FSTL4: variants seen among roughly 807,000 people sequenced by gnomAD.
The protein encoded by FSTL4 is follistatin-related protein 4.
FSTL4 carries 28 observed loss-of-function variants against 78.2 expected under a neutral mutation model. The observed-to-expected ratio is 0.36, with a 90% CI of 0.27 to 0.49. The LOEUF (loss-of-function observed/expected upper bound fraction) is 0.49. Ranked by LOEUF, FSTL4 falls within the 20% of genes least tolerant of loss-of-function variation. The probability of loss-of-function intolerance (pLI) is 0.98; values close to 1 mark genes in which losing one functional copy is unlikely to be tolerated. For synonymous variants in FSTL4, 422 were observed against 440.5 expected (o/e 0.96, Z 0.53); for missense variants, 922 against 1,084.9 (o/e 0.85, Z 2.11).
intron 3 of FSTL4, among the ~76,000 whole-genome samples, chr5:133,553,226 C>CT (rs921566483): frequency 2.0e-5 from 3 of 152,208 alleles, no homozygotes; most frequent in Admixed American, 2.0e-4. Flanking sequence ...ATCTTCCCCT[C>CT]TTTTCCGAGG....
chr5:133,294,086 G>T (rs577119662), intron 6 of FSTL4, among the ~76,000 whole-genome samples: 1 of 152,172 alleles, frequency 6.6e-6, no homozygotes, highest in South Asian at 2.1e-4. Flanking sequence ...GCCCTCCTTT[G>T]TGAAGACTAA....
chr5:133,199,056 AG>A lies in FSTL4; in HGVS notation c.*38del. On this transcript the variant is annotated 3_prime_UTR_variant, in exon 16 of 16. Transcript: ENST00000265342. The surrounding 1 kb of genome is among the most constrained non-coding windows in gnomAD (Gnocchi z 4.4). ...TGCTTGAGGCTGCAGTGTCAGGACT[AG>A]GGGGTGTTCCTTGGCCCAGGGCTCT... is the stretch of plus-strand genomic sequence containing the variant. The A allele has an allele frequency of 7.8e-7, 1 of 1,282,300 alleles. No homozygotes were observed. The highest frequency in any genetic ancestry group is 1.1e-6 in the Non-Finnish European group (1 of 925,438). 79.4% of individuals were successfully genotyped at this position (1,282,300 alleles called of 1,614,324 possible).
chr5:133,599,848 G>C (rs181536005), intron 2 of FSTL4, among the ~76,000 whole-genome samples: 5 of 151,376 alleles, frequency 3.3e-5, no homozygotes, highest in East Asian at 3.9e-4. Context: ...CTGCAAAAGT[G>C]GGGGGGCGGC....
chr5:133,368,428 C>T (rs1193435920), intron 4 of FSTL4, among the ~76,000 whole-genome samples: 1 of 152,254 alleles, frequency 6.6e-6, no homozygotes, highest in Non-Finnish European at 1.5e-5. Flanking sequence ...TTCTGGGCCC[C>T]ATGCCCCTCT....
chr5:133,387,515 G>A (rs578187735), intron 4 of FSTL4, among the ~76,000 whole-genome samples: 10 of 152,058 alleles, frequency 6.6e-5, no homozygotes, highest in Admixed American at 1.3e-4. Flanking sequence ...ATTGCCTTGG[G>A]GGTTGAACTT....
chr5:133,563,804 G>C (rs1759971867), intron 3 of FSTL4, among the ~76,000 whole-genome samples: 1 of 152,212 alleles, frequency 6.6e-6, no homozygotes, highest in Non-Finnish European at 1.5e-5. Flanking sequence ...ATTCCCTGTT[G>C]AGAGTGACAT....
the FSTL4 span, among the ~76,000 whole-genome samples, chr5:133,811,753 A>G: frequency 5.9e-5 from 9 of 152,266 alleles, no homozygotes; most frequent in African/African-American, 2.2e-4. Flanking sequence ...GCCATTCCCC[A>G]TCTACCCTCA....
the FSTL4 span, among the ~76,000 whole-genome samples, chr5:133,818,285 G>A: frequency 2.0e-5 from 3 of 152,342 alleles, no homozygotes; most frequent in Admixed American, 6.5e-5. Context: ...GGAACACACA[G>A]CATGGCCATG....
At chr5:133,295,241 C>A (rs1250217331) in intron 6 of FSTL4, among the ~76,000 whole-genome samples, 1 of 152,184 alleles carries the variant, frequency 6.6e-6, no homozygotes, top group East Asian at 1.9e-4. Context: ...ACCGACCCAC[C>A]CATCTCTGTC....
At chr5:133,626,832 GCA>G in the FSTL4 span, among the ~76,000 whole-genome samples, 2 of 152,074 alleles carry the variant, frequency 1.3e-5, no homozygotes, top group African/African-American at 2.4e-5. Context: ...CATGTTCTGT[GCA>G]CACTTTTAAA....
chr5:133,768,042 AGAG>A, the FSTL4 span, among the ~76,000 whole-genome samples: 1 of 152,206 alleles, frequency 6.6e-6, no homozygotes, highest in Non-Finnish European at 1.5e-5. Context: ...TGCTGATGGA[AGAG>A]GAGAGGAATG....
At chr5:133,600,097 G>A (rs1242636433) in intron 2 of FSTL4, among the ~76,000 whole-genome samples, 1 of 152,154 alleles carries the variant, frequency 6.6e-6, no homozygotes, top group African/African-American at 2.4e-5. Context: ...CATGAGCATA[G>A]TATGAAAATG....
chr5:133,290,832 C>T (rs1355227775), intron 6 of FSTL4, among the ~76,000 whole-genome samples: 1 of 152,236 alleles, frequency 6.6e-6, no homozygotes, highest in African/African-American at 2.4e-5. Context: ...CCCTCGCCTG[C>T]AATGTGGGCT....
At chr5:133,287,739 G>T (rs112061902) in intron 6 of FSTL4, among the ~76,000 whole-genome samples, 1 of 152,170 alleles carries the variant, frequency 6.6e-6, no homozygotes, top group Non-Finnish European at 1.5e-5. Flanking sequence ...CAGCAGTGCC[G>T]TTTCTTGAAT....
chr5:133,686,116 G>A, the FSTL4 span, among the ~76,000 whole-genome samples: 3 of 152,150 alleles, frequency 2.0e-5, no homozygotes, highest in Admixed American at 2.0e-4. Context: ...TTATAATTAT[G>A]AGCATCCTAC....
the FSTL4 span, among the ~76,000 whole-genome samples, chr5:133,628,366 C>CTTTTTT: frequency 5.9e-5 from 8 of 134,644 alleles, no homozygotes; most frequent in African/African-American, 2.6e-4. Flanking sequence ...CTTTTCTTTT[C>CTTTTTT]TTTTTTTTTT....
chr5:133,793,170 G>A, the FSTL4 span, among the ~76,000 whole-genome samples: 136 of 152,316 alleles, frequency 8.9e-4, 1 homozygote, highest in Admixed American at 4.6e-3. Context: ...CTGAGACCTG[G>A]GGAGGGACCA....
At chr5:133,392,230 G>T (rs906347188) in intron 4 of FSTL4, among the ~76,000 whole-genome samples, 1 of 152,152 alleles carries the variant, frequency 6.6e-6, no homozygotes, top group Non-Finnish European at 1.5e-5. Context: ...AGACTGAAAC[G>T]TGAGGAGAGG....
At chr5:133,211,952 ACT>A (rs930392701) in intron 13 of FSTL4, among the ~76,000 whole-genome samples, 4 of 151,334 alleles carry the variant, frequency 2.6e-5, no homozygotes, top group Admixed American at 2.0e-4. Context: ...GTCTCCCTTT[ACT>A]CTCTTGCTTT....
Sources: gnomAD v4.1 joint callset for allele counts (sites outside exome capture counted in the v4.1 genomes callset) on GRCh38, gnomAD v4.1.1 for gene constraint, Gnocchi (gnomAD v3.1) non-coding constraint, MANE v1.5 for transcripts, NCBI Gene and HGNC (gene_info 2026-07-23, HGNC 2026-07-21) for gene names.